ZNF385D: variants seen among roughly 807,000 people sequenced by gnomAD.
ZNF385D encodes zinc finger protein 659.
ZNF385D carries 15 observed loss-of-function variants against 35.8 expected under a neutral mutation model. That is an observed-to-expected ratio of 0.42 (90% CI 0.28 to 0.64). ZNF385D has a LOEUF of 0.64. ZNF385D is among the 30% of genes least tolerant of loss of function. ZNF385D has a pLI of 0.23. For missense variants in ZNF385D, 474 were observed against 494.6 expected (o/e 0.96, Z 0.39); for synonymous variants, 212 against 186.8 (o/e 1.13, Z -1.10).
At chr3:22,062,520 G>A (rs1215185907) in intron 3 of ZNF385D, among the ~76,000 whole-genome samples, 1 of 152,156 alleles carries the variant, frequency 6.6e-6, no homozygotes, top group Non-Finnish European at 1.5e-5. Context: ...AATTAGTAGT[G>A]AGCCTAACTT....
rs991559663 is a variant in ZNF385D, at chr3:21,539,389, C to A, written c.276+25185G>T. ...TGGTATCAAATAAAAACACAGAACT[C>A]TCTGTTGGCCTATTTCAATCAAAAA... On this transcript the variant is annotated intron_variant, in intron 3 of 7. Transcript: ENST00000281523. The surrounding 1 kb of genome is among the most constrained non-coding windows in gnomAD (Gnocchi z 4.0). Among the ~76,000 whole-genome samples, 2 of 152,168 alleles carry A rather than the reference C, an allele frequency of 1.3e-5. No homozygotes were observed. The highest frequency in any genetic ancestry group is 6.5e-5 in the Admixed American group (1 of 15,276).
intron 3 of ZNF385D, among the ~76,000 whole-genome samples, chr3:21,868,733 T>C (rs1697519274): frequency 6.6e-6 from 1 of 152,114 alleles, no homozygotes; most frequent in Non-Finnish European, 1.5e-5. Context: ...AGATAGAAAG[T>C]AAAAACTATT....
At chr3:21,444,548 C>T (rs564207231) in intron 4 of ZNF385D, among the ~76,000 whole-genome samples, 1 of 151,924 alleles carries the variant, frequency 6.6e-6, no homozygotes, top group Admixed American at 6.6e-5. Flanking sequence ...CCACGCCCAG[C>T]TAATTTTTTT....
intron 3 of ZNF385D, among the ~76,000 whole-genome samples, chr3:21,975,070 T>C (rs1205770746): frequency 6.6e-6 from 1 of 152,208 alleles, no homozygotes; most frequent in Admixed American, 6.5e-5. Context: ...CTGCTAGGTA[T>C]GTACCCAAAA....
intron 2 of ZNF385D, among the ~76,000 whole-genome samples, chr3:21,589,319 G>A (rs1235314776): frequency 2.0e-5 from 3 of 152,184 alleles, no homozygotes; most frequent in Non-Finnish European, 4.4e-5. Flanking sequence ...AGGAAGATAT[G>A]TCATTGTCAT....
At chr3:21,569,701 A>T (rs374730110) in intron 2 of ZNF385D, among the ~76,000 whole-genome samples, 16 of 151,828 alleles carry the variant, frequency 1.1e-4, no homozygotes, top group East Asian at 7.8e-4. Context: ...CGGCTGGCAC[A>T]TATACACCAT....
intron 2 of ZNF385D, among the ~76,000 whole-genome samples, chr3:22,302,773 T>G (rs16768): frequency 0.57 from 86,918 of 151,834 alleles, 25,204 homozygotes; most frequent in South Asian, 0.67. Context: ...AGTTTTAATG[T>G]TACTTTGAAA....
chr3:21,605,064 T>C (rs2064435815), intron 2 of ZNF385D, among the ~76,000 whole-genome samples: 1 of 152,194 alleles, frequency 6.6e-6, no homozygotes, highest in Non-Finnish European at 1.5e-5. Flanking sequence ...AAATGGAAAT[T>C]ACACTTTGTC....
intron 1 of ZNF385D, among the ~76,000 whole-genome samples, chr3:21,675,548 A>G (rs1038217569): frequency 1.7e-4 from 26 of 152,102 alleles, no homozygotes; most frequent in African/African-American, 5.3e-4. Context: ...AAGTTCTTAT[A>G]TCTACATTTT....
At chr3:21,738,129 C>T (rs13062599) in intron 1 of ZNF385D, among the ~76,000 whole-genome samples, 17,245 of 152,258 alleles carry the variant, frequency 0.11, 1,086 homozygotes, top group African/African-American at 0.16. Context: ...GGCTTGTACA[C>T]TGAGAGGAGT....
At chr3:21,458,265 G>C (rs1045964262) in intron 4 of ZNF385D, among the ~76,000 whole-genome samples, 9 of 150,422 alleles carry the variant, frequency 6.0e-5, no homozygotes, top group Non-Finnish European at 1.2e-4. Context: ...TTGAGCCCAA[G>C]AGTTCGAGAC....
chr3:21,425,798 C>A (rs1700993659), intron 5 of ZNF385D, 128 bp from the exon 6 acceptor site: 1 of 751,106 alleles, frequency 1.3e-6, no homozygotes, highest in South Asian at 3.9e-5. Context: ...ATAACAAAAT[C>A]TGATGCCTCA....
chr3:22,241,299 A>G (rs7615103), intron 2 of ZNF385D, among the ~76,000 whole-genome samples: 1,687 of 151,020 alleles, frequency 0.011, 112 homozygotes, highest in African/African-American at 0.039. Flanking sequence ...AATAAAACCA[A>G]CCTACAGAGG....
chr3:21,925,735 A>G (rs914883813), intron 3 of ZNF385D, among the ~76,000 whole-genome samples: 3 of 152,164 alleles, frequency 2.0e-5, no homozygotes, highest in Non-Finnish European at 4.4e-5. Context: ...TCCAAAAATG[A>G]TTAGTATCTA....
chr3:22,047,313 T>A (rs568821127), intron 3 of ZNF385D, among the ~76,000 whole-genome samples: 15 of 152,164 alleles, frequency 9.9e-5, no homozygotes, highest in African/African-American at 3.6e-4. Flanking sequence ...GTATATAATA[T>A]ACTAACGAAA....
chr3:21,834,111 T>C (rs191746664), intron 3 of ZNF385D, among the ~76,000 whole-genome samples: 33 of 152,326 alleles, frequency 2.2e-4, no homozygotes, highest in Non-Finnish European at 2.9e-5. Flanking sequence ...TAGGTGGTTC[T>C]ACAAGATCAA....
chr3:21,826,595 C>A, intron 3 of ZNF385D, among the ~76,000 whole-genome samples: 1 of 152,088 alleles, frequency 6.6e-6, no homozygotes, highest in South Asian at 2.1e-4. Flanking sequence ...ACCGTTCACA[C>A]AGACAGGAAA....
At chr3:22,190,536 C>T (rs539896516) in intron 2 of ZNF385D, among the ~76,000 whole-genome samples, 1 of 152,108 alleles carries the variant, frequency 6.6e-6, no homozygotes, top group Non-Finnish European at 1.5e-5. Flanking sequence ...GCCACAAGTT[C>T]ATAAAGTAAT....
intron 2 of ZNF385D, among the ~76,000 whole-genome samples, chr3:22,316,935 C>A (rs1415518602): frequency 6.6e-6 from 1 of 151,986 alleles, no homozygotes; most frequent in East Asian, 1.9e-4. Context: ...CAGGAAGGGG[C>A]TCAGTCTGGA....
Sources: allele counts gnomAD v4.1 joint callset (sites outside exome capture counted in the v4.1 genomes callset), GRCh38; gene constraint gnomAD v4.1.1; non-coding constraint Gnocchi (gnomAD v3.1); transcripts MANE v1.5; gene names NCBI Gene and HGNC (gene_info 2026-07-23, HGNC 2026-07-21).